SLC9C1: variants seen among roughly 807,000 people sequenced by gnomAD.
SLC9C1 encodes sodium/hydrogen exchanger 10.
SLC9C1 carries 97 observed loss-of-function variants against 140.9 expected under a neutral mutation model. The ratio of observed to expected loss-of-function variants is 0.69; its 90% CI spans 0.58 to 0.82. The LOEUF is 0.82. Among genes scored for constraint, SLC9C1 ranks in the 40% least tolerant of loss-of-function variants. The probability of loss-of-function intolerance (pLI) is 0.00; values close to 1 mark genes in which losing one functional copy is unlikely to be tolerated. For missense variants in SLC9C1, 1,340 were observed against 1,389.3 expected (o/e 0.96, Z 0.56); for synonymous variants, 440 against 442.6 (o/e 0.99, Z 0.07).
intron 10 of SLC9C1, among the ~76,000 whole-genome samples, chr3:112,253,623 G>C (rs777026459): frequency 1.3e-5 from 2 of 152,166 alleles, no homozygotes; most frequent in Non-Finnish European, 2.9e-5. Context: ...GAAGTCTACT[G>C]ACTGCACACA....
chr3:112,209,484 A>G (rs1269590092), intron 15 of SLC9C1, among the ~76,000 whole-genome samples: 1 of 150,732 alleles, frequency 6.6e-6, no homozygotes, highest in Non-Finnish European at 1.5e-5. Context: ...TCATTTTGTC[A>G]CTAGCTATAT....
intron 1 of SLC9C1, among the ~76,000 whole-genome samples, chr3:112,288,734 G>A (rs985133900): frequency 9.9e-5 from 15 of 152,120 alleles, no homozygotes; most frequent in Admixed American, 2.0e-4. Context: ...CATTCCAACC[G>A]GGGTGACAGA....
At chr3:112,253,749 T>C (rs1485005377) in intron 10 of SLC9C1, among the ~76,000 whole-genome samples, 1 of 152,132 alleles carries the variant, frequency 6.6e-6, no homozygotes, top group Non-Finnish European at 1.5e-5. Context: ...CCACACTAGT[T>C]CTCCGACATG....
rs202085979 is a variant in SLC9C1 at position 112,163,821 on chromosome 3, T to C, written c.3364+3400A>G. ...TGCAGAGCTGAGTACAATTCCTGGGTATCCTTGTTGACTTTCTGTCTCGTT... is the reference window on the plus strand; with the variant it reads ...TGCAGAGCTGAGTACAATTCCTGGGCATCCTTGTTGACTTTCTGTCTCGTT... On this transcript the variant is annotated intron_variant, in intron 26 of 28. Transcript: ENST00000305815. Among the ~76,000 whole-genome samples, 22 of 152,292 alleles carry C rather than the reference T, an allele frequency of 1.4e-4. No individual in the cohort carries two copies. In the East Asian group the frequency reaches 4.2e-3, roughly 29 times the overall value.
Position 112,169,200 on chromosome 3 carries a change from A to G in SLC9C1, c.3048T>C (p.Tyr1016=), listed in dbSNP as rs1204556312. 6.2e-7 allele frequency: 1 copy of G among 1,610,618 alleles called. No homozygotes were observed. The highest frequency in any genetic ancestry group is 2.2e-5 in the East Asian group (1 of 44,706). ...TARKIREHLS[Y]EDWNYNMQLK... The stretch of plus-strand genomic sequence containing the variant: ...AGTTTATACAAGCACTTCCTACCTC[A>G]TAAGATAAGTGTTCTCTGATTTTTC... Residue 1016 remains tyrosine (Y), a synonymous_variant, in exon 24 of 29, where the codon TAT becomes TAC. Coordinates refer to ENST00000305815, the MANE Select transcript of SLC9C1 (RefSeq NM_183061.3).
intron 27 of SLC9C1, 60 bp from the exon 28 acceptor site, chr3:112,152,023 C>T (rs941428343): frequency 1.6e-5 from 21 of 1,307,864 alleles, no homozygotes; most frequent in South Asian, 4.2e-5. Context: ...GGGGGCCTGC[C>T]CCTCCACACC....
chr3:112,171,489 A>G (rs1312738340), intron 23 of SLC9C1, among the ~76,000 whole-genome samples: 2 of 152,124 alleles, frequency 1.3e-5, no homozygotes, highest in Non-Finnish European at 2.9e-5. Context: ...GTTAAGAGTT[A>G]TTTATAGATT....
intron 23 of SLC9C1, among the ~76,000 whole-genome samples, chr3:112,178,107 T>G (rs902476597): frequency 6.6e-5 from 10 of 151,960 alleles, no homozygotes; most frequent in Non-Finnish European, 8.8e-5. Context: ...TAATAATTTT[T>G]CTTTGCCTTC....
chr3:112,185,723 G>C, intron 20 of SLC9C1: 5 of 1,538,900 alleles, frequency 3.2e-6, no homozygotes, highest in Non-Finnish European at 4.4e-6. Context: ...CGGACACGGC[G>C]GCCTTGCTGA....
intron 15 of SLC9C1, among the ~76,000 whole-genome samples, chr3:112,211,453 C>A (rs6764064): frequency 0.45 from 69,044 of 152,036 alleles, 16,160 homozygotes; most frequent in East Asian, 0.62. Context: ...ATTCCCTTTC[C>A]TAGCCAAGTG....
chr3:112,208,151 T>TC, intron 16 of SLC9C1, 27 bp downstream of exon 16: 1 of 1,542,170 alleles, frequency 6.5e-7, no homozygotes, highest in Non-Finnish European at 8.8e-7. Context: ...ATATAACACT[T>TC]CCATACACAC....
At chr3:112,151,517 G>C (rs1303326524) in intron 28 of SLC9C1, 1 of 522,014 alleles carries the variant, frequency 1.9e-6, no homozygotes, top group Non-Finnish European at 3.8e-6. Context: ...GAGAAGTGAA[G>C]TCATAACTTA....
At chr3:112,196,957 TAA>T (rs34274658) in intron 20 of SLC9C1, among the ~76,000 whole-genome samples, 20 of 148,394 alleles carry the variant, frequency 1.3e-4, no homozygotes, top group Admixed American at 2.7e-4. Flanking sequence ...CCTTGTGATT[TAA>T]AAAAAAAAAA....
At chr3:112,188,983 A>C (rs1342188808) in intron 20 of SLC9C1, among the ~76,000 whole-genome samples, 1 of 152,194 alleles carries the variant, frequency 6.6e-6, no homozygotes, top group Non-Finnish European at 1.5e-5. Flanking sequence ...TCTGATGACT[A>C]GTGATGATGA....
At chr3:112,164,272 A>G (rs1407786798) in intron 26 of SLC9C1, among the ~76,000 whole-genome samples, 1 of 149,698 alleles carries the variant, frequency 6.7e-6, no homozygotes, top group Admixed American at 6.6e-5. Flanking sequence ...GTCCATTTAC[A>G]TTTAAAGTTA....
At chr3:112,250,713 G>A (rs1211678867) in intron 10 of SLC9C1, among the ~76,000 whole-genome samples, 1 of 152,080 alleles carries the variant, frequency 6.6e-6, no homozygotes, top group Non-Finnish European at 1.5e-5. Context: ...ACACCACTCA[G>A]ACTGGTTATT....
In SLC9C1 at chr3:112,199,411, A is replaced by G. The variant is rs769189544; in HGVS notation, c.2433T>C (p.Ile811=). The change falls in exon 20 of 29, where the codon ATT becomes ATC. Residue 811 remains isoleucine, a synonymous_variant. Coordinates refer to ENST00000305815, the MANE Select transcript of SLC9C1 (RefSeq NM_183061.3). ...IAVTVKTKEE[I]NVMLNMATEI... is the part of the protein sequence containing the mutation. The stretch of plus-strand genomic sequence containing the variant: ...CTGTAGCCATATTGAGCATAACATT[A>G]ATTTCTTCCTTTGTTTTCACAGTGA... The G allele has an allele frequency of 1.2e-6, 2 of 1,601,156 alleles. No homozygotes were observed. Among genetic ancestry groups the G allele is most frequent in the East Asian group, 2.2e-5 (1 of 44,462 alleles).
chr3:112,182,394 C>T, intron 20 of SLC9C1, 136 bp from the exon 21 acceptor site: 1 of 903,242 alleles, frequency 1.1e-6, no homozygotes, highest in East Asian at 2.8e-5. Flanking sequence ...TTCAACCTCT[C>T]TTTATATCAT....
At chr3:112,174,970 C>G (rs542964596) in intron 23 of SLC9C1, among the ~76,000 whole-genome samples, 95 of 152,194 alleles carry the variant, frequency 6.2e-4, no homozygotes, top group Admixed American at 1.7e-3. Flanking sequence ...TCTGGACCAG[C>G]CTCTGGTCCC....
Sources: allele counts gnomAD v4.1 joint callset (sites outside exome capture counted in the v4.1 genomes callset), GRCh38; gene constraint gnomAD v4.1.1; transcripts MANE v1.5; gene names NCBI Gene and HGNC (gene_info 2026-07-23, HGNC 2026-07-21).